The following MYL3 variants were observed in gnomAD, a reference collection of about 807,000 sequenced individuals.
MYL3 encodes CMLC1.
Under a neutral mutation model 21.3 loss-of-function variants are expected in MYL3, and 11 were observed. The observed-to-expected ratio is 0.52, with a 90% CI of 0.32 to 0.85. The LOEUF (loss-of-function observed/expected upper bound fraction) is 0.85. Ranked by LOEUF, MYL3 falls within the 40% of genes least tolerant of loss-of-function variation. The pLI is 0.03. For synonymous variants in MYL3, 88 were observed against 91.6 expected (o/e 0.96, Z 0.22); for missense variants, 206 against 253.3 (o/e 0.81, Z 1.27).
intron 1 of MYL3, among the ~76,000 whole-genome samples, chr3:46,875,864 G>A (rs915561342): frequency 1.3e-5 from 2 of 152,246 alleles, no homozygotes; most frequent in Non-Finnish European, 2.9e-5. Flanking sequence ...TGAGCTCGGA[G>A]GGGGCCGGGC....
intron 1 of MYL3, among the ~76,000 whole-genome samples, chr3:46,875,993 C>G (rs559836720): frequency 3.2e-4 from 49 of 152,368 alleles, no homozygotes; most frequent in African/African-American, 1.1e-3. Flanking sequence ...CCCCAGAGCC[C>G]TGGGCTGGGG....
chr3:46,867,672 G>C (rs182941002), upstream of MYL3, among the ~76,000 whole-genome samples: 4 of 152,220 alleles, frequency 2.6e-5, no homozygotes, highest in African/African-American at 9.6e-5. Context: ...TGCCGGTCCC[G>C]CCCCTCCTGG....
At chr3:46,865,325 A>G (rs1457980039), upstream of MYL3, among the ~76,000 whole-genome samples, 1 of 150,232 alleles carries the variant, frequency 6.7e-6, no homozygotes, top group East Asian at 2.0e-4. This position sits in a 1 kb window ranked among gnomAD's most constrained non-coding sequence, Gnocchi z 4.3. Flanking sequence ...AACAGTATTG[A>G]GAAAGAAAGG....
At position 46,860,926 on chromosome 3, in the gene MYL3, T is replaced by A. The variant is rs752977796; in HGVS notation, c.157+34A>T. ...CTCAGACCAGGGAACCCCAGCCCAA[T>A]CCTGCAACCCCTGGGTTCAAGACCC... On this transcript the variant is annotated intron_variant, in intron 2 of 6. Transcript: ENST00000292327. This position sits in a 1 kb window ranked among gnomAD's most constrained non-coding sequence, Gnocchi z 4.6. The A allele has an allele frequency of 6.2e-7, 1 of 1,613,978 alleles. No homozygotes were observed. The highest frequency in any genetic ancestry group is 1.1e-5 in the South Asian group (1 of 91,084).
At chr3:46,873,519 G>A (rs2030022604) in intron 1 of MYL3, among the ~76,000 whole-genome samples, 1 of 152,206 alleles carries the variant, frequency 6.6e-6, no homozygotes, top group Non-Finnish European at 1.5e-5. Flanking sequence ...GGAGCCCTGT[G>A]TGGTTACGCT....
rs1338579308 is a variant in MYL3 at position 46,859,315 on chromosome 3, C to G, written c.481+160G>C. 6.6e-6 allele frequency among the ~76,000 whole-genome samples: 1 copy of G among 152,238 alleles called. No homozygotes were observed. The highest frequency in any genetic ancestry group is 1.5e-5 in the Non-Finnish European group (1 of 68,040). On this transcript the variant is annotated intron_variant, in intron 4 of 6. Coordinates refer to ENST00000292327, the MANE Select transcript of MYL3 (RefSeq NM_000258.3). This position sits in a 1 kb window ranked among gnomAD's most constrained non-coding sequence, Gnocchi z 4.1. ...GAGCTGCACCAGCATGCTTGCTTTA[C>G]TCTCCTCCTAAGTAACATTTCTGTT...
chr3:46,865,970 C>T (rs1448556617), upstream of MYL3, among the ~76,000 whole-genome samples: 3 of 152,122 alleles, frequency 2.0e-5, no homozygotes, highest in African/African-American at 7.2e-5. The surrounding 1 kb of genome is among the most constrained non-coding windows in gnomAD (Gnocchi z 4.3). Context: ...GACTCACCCA[C>T]AGGCCCACCC....
chr3:46,858,751 C>T (rs1299698457), intron 4 of MYL3, among the ~76,000 whole-genome samples: 1 of 152,082 alleles, frequency 6.6e-6, no homozygotes, highest in African/African-American at 2.4e-5. Context: ...TGGGGCAGCC[C>T]CTTGAGGCTA....
chr3:46,881,768 C>G lies in MYL3; in HGVS notation c.-218+306G>C, dbSNP rs1038029281. On this transcript the variant is annotated intron_variant, in intron 1 of 3. Coordinates refer to the MYL3 transcript ENST00000431168. ...GGCAGCAGCCAAGCCGGGCTCGGGG[C>G]TGGCAGCCGAGCGGCCTCCCCAGGG... is the stretch of plus-strand genomic sequence containing the variant. 6.6e-5 allele frequency among the ~76,000 whole-genome samples: 10 copies of G among 151,976 alleles called. No individual in the cohort carries two copies. In the East Asian group the frequency reaches 2.0e-3, roughly 30 times the overall value.
intron 6 of MYL3, 63 bp from the exon 7 acceptor site, chr3:46,858,164 T>C (rs955801208): frequency 3.2e-6 from 5 of 1,541,046 alleles, no homozygotes; most frequent in Non-Finnish European, 4.5e-6. Context: ...GGATGTCAAG[T>C]GAGCACTGCA....
intron 1 of MYL3, among the ~76,000 whole-genome samples, chr3:46,868,905 T>C (rs1702075790): frequency 6.6e-6 from 1 of 152,116 alleles, no homozygotes; most frequent in East Asian, 1.9e-4. Context: ...TGAGATGGAG[T>C]CTCGGGCTGC....
chr3:46,875,340 G>C (rs575726796), intron 1 of MYL3, among the ~76,000 whole-genome samples: 82 of 152,310 alleles, frequency 5.4e-4, no homozygotes, highest in African/African-American at 1.9e-3. Flanking sequence ...ACAGACCAGA[G>C]ACTTGCCCTA....
chr3:46,876,950 C>T (rs554119586), intron 1 of MYL3, among the ~76,000 whole-genome samples: 2 of 152,180 alleles, frequency 1.3e-5, no homozygotes, highest in Non-Finnish European at 2.9e-5. Flanking sequence ...TCCTGAGCAA[C>T]CAGCCCTGGT....
In MYL3 at chr3:46,873,647, G is replaced by C. The variant is rs538134165; in HGVS notation, c.-217-7047C>G. Among the ~76,000 whole-genome samples the C allele has an allele frequency of 1.7e-4, 26 of 152,338 alleles. No homozygotes were observed. The East Asian group carries it at 4.6e-3, about 27-fold the overall frequency. ...TGGCTTCCAGAGCCAGCTGTGCTGA[G>C]AGAGGGTGCTGCTGTGAGGACAGGA... On this transcript the variant is annotated intron_variant, in intron 1 of 3. Transcript: ENST00000431168.
intron 1 of MYL3, among the ~76,000 whole-genome samples, chr3:46,875,173 C>T (rs990257623): frequency 3.7e-4 from 56 of 152,224 alleles, no homozygotes; most frequent in African/African-American, 1.3e-3. Context: ...CCAGGGACCA[C>T]GGGACGGTGC....
chr3:46,860,119 T>G lies in MYL3; in HGVS notation c.308-471A>C. ...TTTAAAATTTTATTCATTTATGTATTTATTCATTCATTTATTTATTTTTAG... is the reference window on the plus strand; with the variant it reads ...TTTAAAATTTTATTCATTTATGTATGTATTCATTCATTTATTTATTTTTAG... On this transcript the variant is annotated intron_variant, in intron 3 of 6. Transcript: ENST00000292327. The surrounding 1 kb of genome is among the most constrained non-coding windows in gnomAD (Gnocchi z 4.6). Among the ~76,000 whole-genome samples, 1 of 152,040 alleles carries G rather than the reference T, an allele frequency of 6.6e-6. No individual in the cohort carries two copies. The highest frequency in any genetic ancestry group is 2.1e-4 in the South Asian group (1 of 4,820).
At chr3:46,863,878 C>A (rs189995657), upstream of MYL3, among the ~76,000 whole-genome samples, 20 of 152,260 alleles carry the variant, frequency 1.3e-4, no homozygotes, top group Admixed American at 2.6e-4. Flanking sequence ...TCTCCAAAGT[C>A]CCCTGTGTCT....
chr3:46,860,789 G>T lies in MYL3; in HGVS notation c.194C>A (p.Pro65His). The T allele has an allele frequency of 6.2e-7, 1 of 1,614,064 alleles. No individual in the cohort carries two copies. The highest frequency in any genetic ancestry group is 1.3e-5 in the African/African-American group (1 of 75,002). Reference sequence around the variant, plus strand: ...GTAGGTGATCTTCATCTCACACTTGGGTGTGCGGTCGAACAGCATGAAGGC... The same window carrying T: ...GTAGGTGATCTTCATCTCACACTTGTGTGTGCGGTCGAACAGCATGAAGGC... ...KEAFMLFDRTPKCEMKITYGQ... is the reference protein window; with the variant it reads ...KEAFMLFDRTHKCEMKITYGQ... The change falls in exon 3 of 7, where the codon CCC becomes CAC. Residue 65 changes from proline (P) to histidine (H), a missense_variant. Transcript: ENST00000292327. The surrounding 1 kb of genome is among the most constrained non-coding windows in gnomAD (Gnocchi z 4.6).
At chr3:46,863,906 C>T (rs1280824489), upstream of MYL3, among the ~76,000 whole-genome samples, 1 of 151,916 alleles carries the variant, frequency 6.6e-6, no homozygotes. Context: ...TGTCTATGAC[C>T]GTGTCCATGT....
Sources: allele counts gnomAD v4.1 joint callset (sites outside exome capture counted in the v4.1 genomes callset), GRCh38; gene constraint gnomAD v4.1.1; non-coding constraint Gnocchi (gnomAD v3.1); transcripts MANE v1.5; gene names NCBI Gene and HGNC (gene_info 2026-07-23, HGNC 2026-07-21).